The following TNFAIP8L1 variants were observed in gnomAD, a reference collection of about 807,000 sequenced individuals.
TNFAIP8L1 encodes tumor necrosis factor alpha-induced protein 8-like protein 1.
For synonymous variants in TNFAIP8L1, 127 were observed against 125.6 expected (o/e 1.01, Z -0.08); for missense variants, 225 against 266.1 (o/e 0.85, Z 1.08).
chr19:4,642,073 G>C (rs2088265864), intron 1 of TNFAIP8L1: 4 of 152,276 alleles, frequency 2.6e-5, no homozygotes, highest in Admixed American at 2.6e-4. Context: ...AGCCACTCTG[G>C]AGGCTGAGGT....
At chr19:4,643,154 CTG>C (rs780629035) in intron 1 of TNFAIP8L1, among the ~76,000 whole-genome samples, 2 of 151,886 alleles carry the variant, frequency 1.3e-5, no homozygotes, top group Admixed American at 6.6e-5. Context: ...TGGCACGTGT[CTG>C]TAATACCAGC....
At chr19:4,646,023 C>G (rs945644740) in intron 1 of TNFAIP8L1, among the ~76,000 whole-genome samples, 1 of 152,202 alleles carries the variant, frequency 6.6e-6, no homozygotes, top group African/African-American at 2.4e-5. Flanking sequence ...CCCAGCCTCT[C>G]CCTAGAGAGG....
At chr19:4,646,821 G>A (rs1338473703) in intron 1 of TNFAIP8L1, among the ~76,000 whole-genome samples, 3 of 152,064 alleles carry the variant, frequency 2.0e-5, no homozygotes, top group Admixed American at 1.3e-4. Context: ...TAGTAGAGAC[G>A]GGGTTTCACC....
At chr19:4,644,343 T>G (rs1180610493) in intron 1 of TNFAIP8L1, among the ~76,000 whole-genome samples, 1 of 145,742 alleles carries the variant, frequency 6.9e-6, no homozygotes, top group Non-Finnish European at 1.5e-5. Context: ...AGTTCGAGAC[T>G]AGCCTGGGCA....
intron 1 of TNFAIP8L1, among the ~76,000 whole-genome samples, chr19:4,651,529 C>G (rs920279088): frequency 3.3e-5 from 5 of 151,988 alleles, no homozygotes; most frequent in Admixed American, 6.6e-5. Context: ...CTCCGCCTCC[C>G]GGGCTCAAGG....
intron 1 of TNFAIP8L1, among the ~76,000 whole-genome samples, chr19:4,646,793 G>A (rs1011084573): frequency 2.0e-5 from 3 of 152,236 alleles, no homozygotes; most frequent in South Asian, 2.1e-4. Context: ...ACCGCGCCCC[G>A]CTAATTTTTT....
In TNFAIP8L1 at chr19:4,645,705, T is replaced by G. The variant is rs574160143; in HGVS notation, c.-4+6076T>G. Among the ~76,000 whole-genome samples, 274 of 123,966 alleles carry G rather than the reference T, an allele frequency of 2.2e-3. 3 individuals are homozygous for G. The highest frequency in any genetic ancestry group is 0.014 in the South Asian group (57 of 3,994). The allele number at this position is 123,966 out of a possible 152,430, so 81.3% of individuals were successfully genotyped here. A position where few individuals can be genotyped will look rare whatever the true frequency, so the allele number is the denominator to read the frequency against. ...GGAGGCTGAGGCAGGAGGATCCGTC[T>G]CAAAAAAAAAAAAAAAAAGGAATAT... On this transcript the variant is annotated intron_variant, in intron 1 of 1. Coordinates refer to ENST00000327473, the MANE Select transcript of TNFAIP8L1 (RefSeq NM_152362.3). The surrounding 1 kb of genome is among the most constrained non-coding windows in gnomAD (Gnocchi z 4.1).
In TNFAIP8L1 at chr19:4,645,273, C is replaced by T. The variant is rs931272157; in HGVS notation, c.-4+5644C>T. 2.6e-5 allele frequency among the ~76,000 whole-genome samples: 4 copies of T among 152,100 alleles called. No homozygotes were observed. The highest frequency in any genetic ancestry group is 6.5e-5 in the Admixed American group (1 of 15,278). On this transcript the variant is annotated intron_variant, in intron 1 of 1. Coordinates refer to ENST00000327473, the MANE Select transcript of TNFAIP8L1 (RefSeq NM_152362.3). The surrounding 1 kb of genome is among the most constrained non-coding windows in gnomAD (Gnocchi z 4.1). Reference sequence around the variant, plus strand: ...ATATAAACTTATAGTTAAGGCTGGGCGTGGTGGCTCCCACCTGTAATCCCA... The same window carrying T: ...ATATAAACTTATAGTTAAGGCTGGGTGTGGTGGCTCCCACCTGTAATCCCA...
intron 1 of TNFAIP8L1, 46 bp from the exon 2 acceptor site, chr19:4,651,821 A>T: frequency 6.5e-7 from 1 of 1,533,788 alleles, no homozygotes; most frequent in Non-Finnish European, 8.8e-7. Context: ...CTGTGTGAGG[A>T]GTGCCCCAAC....
At chr19:4,640,678 C>G (rs142842252) in intron 1 of TNFAIP8L1, 1 of 152,386 alleles carries the variant, frequency 6.6e-6, no homozygotes, top group South Asian at 2.1e-4. Context: ...GCCTGACTCT[C>G]GCTGTGGCTC....
intron 1 of TNFAIP8L1, chr19:4,642,446 C>T (rs1204424760): frequency 2.0e-5 from 3 of 149,870 alleles, no homozygotes; most frequent in Non-Finnish European, 4.4e-5. Context: ...CACCACTGCT[C>T]TCCAGCCTGG....
intron 1 of TNFAIP8L1, chr19:4,640,242 G>A (rs547852042): frequency 6.6e-6 from 1 of 152,428 alleles, no homozygotes; most frequent in South Asian, 2.1e-4. Context: ...CCTGGGATGG[G>A]AAACTAAGGC....
chr19:4,647,126 G>A (rs764020946), intron 1 of TNFAIP8L1, among the ~76,000 whole-genome samples: 4 of 152,118 alleles, frequency 2.6e-5, no homozygotes, highest in Admixed American at 1.3e-4. Flanking sequence ...ATGGACATAC[G>A]GACATTTGAG....
At chr19:4,649,905 C>T (rs1353782263) in intron 1 of TNFAIP8L1, among the ~76,000 whole-genome samples, 1 of 152,228 alleles carries the variant, frequency 6.6e-6, no homozygotes, top group African/African-American at 2.4e-5. Context: ...TGAACTCACA[C>T]AAAGACCGGC....
intron 1 of TNFAIP8L1, among the ~76,000 whole-genome samples, chr19:4,650,473 G>A (rs2088351490): frequency 6.6e-6 from 1 of 152,066 alleles, no homozygotes; most frequent in Non-Finnish European, 1.5e-5. Flanking sequence ...GCCCTACTCT[G>A]AGATTTAGGA....
At position 4,651,859 on chromosome 19, in the gene TNFAIP8L1, C is replaced by T. The variant is rs748850651; in HGVS notation, c.-3-8C>T. Reference sequence around the variant, plus strand: ...GCAAAACTGAGGGCTGGTCTGTGTCCCCCGCAGGCCATGGACACCTTCAGC... The same window carrying T: ...GCAAAACTGAGGGCTGGTCTGTGTCTCCCGCAGGCCATGGACACCTTCAGC... On this transcript the variant is annotated splice_polypyrimidine_tract_variant and splice_region_variant and intron_variant, in intron 1 of 1. Coordinates refer to ENST00000327473, the MANE Select transcript of TNFAIP8L1 (RefSeq NM_152362.3). The T allele has an allele frequency of 6.3e-7, 1 of 1,587,564 alleles. No individual in the cohort carries two copies.
In TNFAIP8L1 at chr19:4,645,259, T is replaced by C. The variant is rs1474784072; in HGVS notation, c.-4+5630T>C. Among the ~76,000 whole-genome samples, 2 of 152,060 alleles carry C rather than the reference T, an allele frequency of 1.3e-5. No individual in the cohort carries two copies. Among genetic ancestry groups the C allele is most frequent in the Admixed American group, 1.3e-4 (2 of 15,266 alleles). On this transcript the variant is annotated intron_variant, in intron 1 of 1. Coordinates refer to ENST00000327473, the MANE Select transcript of TNFAIP8L1 (RefSeq NM_152362.3). The surrounding 1 kb of genome is among the most constrained non-coding windows in gnomAD (Gnocchi z 4.1). ...TTTAACGTGGGAGAATATAAACTTA[T>C]AGTTAAGGCTGGGCGTGGTGGCTCC...
chr19:4,652,802 A>G lies in TNFAIP8L1; in HGVS notation c.*372A>G, dbSNP rs1347392560. 3 of 250,832 alleles carry G rather than the reference A, an allele frequency of 1.2e-5. No homozygotes were observed. The highest frequency in any genetic ancestry group is 2.3e-5 in the African/African-American group (1 of 44,302). The allele number at this position is 250,832 out of a possible 1,614,324, so 15.5% of individuals were successfully genotyped here. A position where few individuals can be genotyped will look rare whatever the true frequency, so the allele number is the denominator to read the frequency against. ...CGCCTGGGATTTTCATCCCTCGCACAAGGACTACGGGTTCACACGGTGAAC... is the reference window on the plus strand; with the variant it reads ...CGCCTGGGATTTTCATCCCTCGCACGAGGACTACGGGTTCACACGGTGAAC... On this transcript the variant is annotated 3_prime_UTR_variant, in exon 2 of 2. Transcript: ENST00000327473.
At chr19:4,649,576 C>T (rs1471678142) in intron 1 of TNFAIP8L1, among the ~76,000 whole-genome samples, 3 of 152,150 alleles carry the variant, frequency 2.0e-5, no homozygotes, top group Non-Finnish European at 4.4e-5. Context: ...AGTTGGGGTT[C>T]AAGGGCGTTG....
Sources: gnomAD v4.1 joint callset for allele counts (sites outside exome capture counted in the v4.1 genomes callset) on GRCh38, gnomAD v4.1.1 for gene constraint, Gnocchi (gnomAD v3.1) non-coding constraint, MANE v1.5 for transcripts, NCBI Gene and HGNC (gene_info 2026-07-23, HGNC 2026-07-21) for gene names.